ACTR5: variants seen among roughly 807,000 people sequenced by gnomAD.
The protein encoded by ACTR5 is actin-related protein 5.
ACTR5 carries 43 observed loss-of-function variants against 61.2 expected under a neutral mutation model. That is an observed-to-expected ratio of 0.70 (90% CI 0.55 to 0.91). The LOEUF (loss-of-function observed/expected upper bound fraction) is 0.91, where lower values mean the gene tolerates loss of function less well. Ranked by LOEUF, ACTR5 falls within the 40% of genes least tolerant of loss-of-function variation. The probability of loss-of-function intolerance (pLI) is 0.00; values close to 1 mark genes in which losing one functional copy is unlikely to be tolerated. For synonymous variants in ACTR5, 333 were observed against 310.5 expected, an observed-to-expected ratio of 1.07 and a Z score of -0.76; for missense variants, 798 against 782.2, an observed-to-expected ratio of 1.02 and a Z score of -0.24.
At chr20:38,755,752 G>A in intron 4 of ACTR5, 105 bp from the exon 5 acceptor site, 2 of 1,240,252 alleles carry the variant, frequency 1.6e-6, no homozygotes, top group Admixed American at 1.9e-5. Context: ...GCGTGGCTCT[G>A]GGCAGGGTAG....
In ACTR5 at chr20:38,771,168, C is replaced by A. The variant is rs368912986; in HGVS notation, c.1567-391C>A. ...TACCCTGGCTAGAGCTGCCTTGCAG[C>A]GGCCCCTGTTTCCCTCTACTCAGAG... is the stretch of plus-strand genomic sequence containing the variant. On this transcript the variant is annotated intron_variant, in intron 8 of 8. Transcript: ENST00000243903. Among the ~76,000 whole-genome samples the A allele has an allele frequency of 2.0e-4, 31 of 152,338 alleles. 1 individual carries two copies. In the South Asian group the frequency reaches 6.0e-3, roughly 30 times the overall value.
chr20:38,751,967 T>G (rs2084389580), intron 2 of ACTR5, among the ~76,000 whole-genome samples, 164 bp from the exon 3 acceptor site: 1 of 152,174 alleles, frequency 6.6e-6, no homozygotes, highest in East Asian at 1.9e-4. Flanking sequence ...AGATAAGAGG[T>G]TATACCAGGG....
rs745661226 is a variant in ACTR5 at position 38,771,685 on chromosome 20, C to T, written c.1693C>T (p.Leu565Phe). 3.7e-6 allele frequency: 6 copies of T among 1,614,176 alleles called. No individual in the cohort carries two copies. The highest frequency in any genetic ancestry group is 1.3e-5 in the African/African-American group (1 of 75,046). ...GTATGAAGAAAAGGGAGGAGAGTAC[C>T]TCAAGGAGCACTGTGCTTCCAACAT... is the stretch of plus-strand genomic sequence containing the variant. The part of the protein sequence containing the change: ...KEYEEKGGEY[L>F]KEHCASNIYV... The change falls in exon 9 of 9, where the codon CTC becomes TTC. Residue 565 changes from leucine (L) to phenylalanine (F), a missense_variant. Physicochemically the swap from Leu to Phe is conservative, Grantham distance 22 (BLOSUM62 0). Transcript: ENST00000243903.
intron 8 of ACTR5, among the ~76,000 whole-genome samples, chr20:38,768,440 G>T (rs1347551197): frequency 7.2e-5 from 11 of 152,154 alleles, no homozygotes; most frequent in Admixed American, 7.2e-4. Flanking sequence ...AGGTGCCCGG[G>T]GTGAAATCTG....
chr20:38,764,887 C>G (rs2084476262), intron 5 of ACTR5, among the ~76,000 whole-genome samples: 1 of 152,234 alleles, frequency 6.6e-6, no homozygotes. Flanking sequence ...CCACGCTGGT[C>G]TCAAACTCCT....
At chr20:38,769,027 A>AT (rs768313958) in intron 8 of ACTR5, among the ~76,000 whole-genome samples, 54 of 152,150 alleles carry the variant, frequency 3.5e-4, no homozygotes, top group Non-Finnish European at 6.6e-4. Flanking sequence ...ACTCACCAGG[A>AT]TTTACAGGGT....
In ACTR5 at chr20:38,771,929, G is replaced by T; in HGVS notation, c.*113G>T. ...TGCCCAAGTCTGCTGGTCACATTTG[G>T]CAGCAAAATGGATTTCTCCTGGGGA... On this transcript the variant is annotated 3_prime_UTR_variant, in exon 9 of 9. Transcript: ENST00000243903. 15 of 1,409,746 alleles carry T rather than the reference G, an allele frequency of 1.1e-5. No homozygotes were observed. Among genetic ancestry groups the T allele is most frequent in the Non-Finnish European group, 1.4e-5 (15 of 1,064,522 alleles). The allele number at this position is 1,409,746 out of a possible 1,614,324, so 87.3% of individuals were successfully genotyped here.
At chr20:38,767,004 C>T (rs2748664) in intron 7 of ACTR5, among the ~76,000 whole-genome samples, 64,248 of 151,850 alleles carry the variant, frequency 0.42, 13,599 homozygotes, top group Middle Eastern at 0.49. Context: ...AGTGATCAAA[C>T]ATGTCTTAGA....
In ACTR5 at chr20:38,771,095, C is replaced by A. The variant is rs367860992; in HGVS notation, c.1567-464C>A. ...TAAGTGCTGGCAGCCTCACAGAGAA[C>A]GCCCAGGTCACCCCTCTCTGCTGCC... On this transcript the variant is annotated intron_variant, in intron 8 of 8. Transcript: ENST00000243903. Among the ~76,000 whole-genome samples the A allele has an allele frequency of 3.3e-5, 5 of 152,244 alleles. No individual in the cohort carries two copies. In the South Asian group the frequency reaches 1.0e-3, roughly 32 times the overall value.
intron 5 of ACTR5, among the ~76,000 whole-genome samples, chr20:38,757,002 A>G (rs929022328): frequency 6.6e-6 from 1 of 152,252 alleles, no homozygotes; most frequent in Non-Finnish European, 1.5e-5. Flanking sequence ...ATAGCTCAAT[A>G]TAACCTCAGA....
chr20:38,750,278 A>C, intron 2 of ACTR5, 39 bp downstream of exon 2: 1 of 1,552,638 alleles, frequency 6.4e-7, no homozygotes, highest in South Asian at 1.1e-5. Context: ...GATTTTGAGA[A>C]GCATTCAGGA....
Position 38,772,311 on chromosome 20 carries a change from G to A in ACTR5, c.*495G>A, listed in dbSNP as rs949043693. 6.0e-6 allele frequency: 1 copy of A among 166,444 alleles called. No individual in the cohort carries two copies. The highest frequency in any genetic ancestry group is 1.7e-4 in the East Asian group (1 of 5,982). 10.3% of individuals were successfully genotyped at this position (166,444 alleles called of 1,614,324 possible). A position where few individuals can be genotyped will look rare whatever the true frequency, so the allele number is the denominator to read the frequency against. On this transcript the variant is annotated 3_prime_UTR_variant, in exon 9 of 9. Coordinates refer to ENST00000243903, the MANE Select transcript of ACTR5 (RefSeq NM_024855.4). ...TGTTTATTGCCGGGCACAGTGGCAC[G>A]TGCCTGTTAAGGCCCAGCTTTGTGG...
At position 38,771,945 on chromosome 20, in the gene ACTR5, C is replaced by A. The variant is rs1461331959; in HGVS notation, c.*129C>A. ...TCACATTTGGCAGCAAAATGGATTT[C>A]TCCTGGGGAGAACAAAGTTAAGGGA... is the stretch of plus-strand genomic sequence containing the variant. On this transcript the variant is annotated 3_prime_UTR_variant, in exon 9 of 9. Transcript: ENST00000243903. 1.5e-6 allele frequency: 2 copies of A among 1,340,432 alleles called. No homozygotes were observed. The highest frequency in any genetic ancestry group is 5.0e-5 in the East Asian group (2 of 39,648). The allele number at this position is 1,340,432 out of a possible 1,614,324, so 83.0% of individuals were successfully genotyped here.
At chr20:38,769,101 G>A (rs575587739) in intron 8 of ACTR5, among the ~76,000 whole-genome samples, 15 of 152,192 alleles carry the variant, frequency 9.9e-5, no homozygotes, top group Admixed American at 3.3e-4. Flanking sequence ...CCACCCGCTC[G>A]TCAGCCACAG....
chr20:38,749,343 A>G (rs895165039), intron 1 of ACTR5, among the ~76,000 whole-genome samples: 3 of 152,216 alleles, frequency 2.0e-5, no homozygotes, highest in Admixed American at 2.0e-4. Context: ...GAGGTGATTC[A>G]GGTAGCAAGC....
intron 8 of ACTR5, among the ~76,000 whole-genome samples, chr20:38,770,831 CACTG>C (rs2084515327): frequency 6.6e-6 from 1 of 152,200 alleles, no homozygotes; most frequent in African/African-American, 2.4e-5. Flanking sequence ...ATGTTGATTC[CACTG>C]TTATGGCCTC....
chr20:38,757,646 T>C (rs533915999), intron 5 of ACTR5, among the ~76,000 whole-genome samples: 2 of 152,094 alleles, frequency 1.3e-5, no homozygotes, highest in African/African-American at 4.8e-5. Flanking sequence ...ACAGGAAGCT[T>C]GCTTTTGCAG....
At chr20:38,760,153 A>G (rs1386158167) in intron 5 of ACTR5, among the ~76,000 whole-genome samples, 5 of 141,396 alleles carry the variant, frequency 3.5e-5, no homozygotes, top group East Asian at 4.0e-4. Context: ...GACCCTGTCT[A>G]AAAAAAAAAA....
At chr20:38,754,607 T>G (rs143267835) in intron 3 of ACTR5, among the ~76,000 whole-genome samples, 26,001 of 151,926 alleles carry the variant, frequency 0.17, 2,157 homozygotes, top group Admixed American at 0.19. Flanking sequence ...TAGTCCCAGC[T>G]ACTCAGGAGG....
Sources: allele counts gnomAD v4.1 joint callset (sites outside exome capture counted in the v4.1 genomes callset), GRCh38; gene constraint gnomAD v4.1.1; transcripts MANE v1.5; gene names NCBI Gene and HGNC (gene_info 2026-07-23, HGNC 2026-07-21).